Variants in SYNE1 observed in about 807,000 individuals in gnomAD.
SYNE1 encodes spectrin repeat containing nuclear envelope protein 1, also known as nesprin-1.
A neutral mutation model predicts 1,111.0 loss-of-function variants in SYNE1; 616 were observed. The ratio of observed to expected loss-of-function variants is 0.55; its 90% CI spans 0.52 to 0.59. The LOEUF is 0.59. Among genes scored for constraint, SYNE1 ranks in the 20% least tolerant of loss-of-function variants. The pLI is 0.00. For synonymous variants in SYNE1, 3,855 were observed against 3,825.8 expected, an observed-to-expected ratio of 1.01 and a Z score of -0.28; for missense variants, 10,006 against 10,417.0, an observed-to-expected ratio of 0.96 and a Z score of 1.72.
In SYNE1 at chr6:152,398,653, C is replaced by T. The variant is rs1315411960; in HGVS notation, c.7316G>A (p.Ser2439Asn). The part of the protein sequence containing the change: ...AKESSDRTGD[S>N]KVLEAKLHDL... ...ATGGAGCTTTGCTTCTAGAACTTTG[C>T]TGTCACCGGTGCGATCTGATGATTC... is the stretch of plus-strand genomic sequence containing the variant. The change falls in exon 49 of 146, where the codon AGC becomes AAC. Residue 2439 changes from serine (S) to asparagine (N), a missense_variant. Coordinates refer to ENST00000367255, the MANE Select transcript of SYNE1 (RefSeq NM_182961.4). 6.2e-7 allele frequency: 1 copy of T among 1,613,858 alleles called. No homozygotes were observed. The highest frequency in any genetic ancestry group is 8.5e-7 in the Non-Finnish European group (1 of 1,179,904).
chr6:152,506,632 C>T (rs948908877), intron 8 of SYNE1, among the ~76,000 whole-genome samples: 13 of 151,990 alleles, frequency 8.6e-5, no homozygotes, highest in Non-Finnish European at 1.6e-4. Flanking sequence ...ACCTCCACCC[C>T]CCAGGCTCAA....
chr6:152,144,225 T>C (rs747989012), intron 137 of SYNE1: 7 of 256,066 alleles, frequency 2.7e-5, no homozygotes, highest in Non-Finnish European at 5.4e-5. Context: ...CAGGGGAAGA[T>C]AGTGTCACGG....
chr6:152,213,540 C>T, intron 123 of SYNE1, 72 bp downstream of exon 123: 2 of 1,534,856 alleles, frequency 1.3e-6, no homozygotes, highest in Non-Finnish European at 1.8e-6. Flanking sequence ...AATTCTCCCA[C>T]ACAGCATTTC....
intron 4 of SYNE1, among the ~76,000 whole-genome samples, chr6:152,538,559 C>A (rs1392486989): frequency 1.3e-5 from 2 of 148,720 alleles, no homozygotes; most frequent in Non-Finnish European, 3.0e-5. Context: ...CTAAAAGTTT[C>A]ATTATTAATA....
At chr6:152,531,467 T>A (rs1265203670) in intron 4 of SYNE1, among the ~76,000 whole-genome samples, 2 of 152,224 alleles carry the variant, frequency 1.3e-5, no homozygotes, top group Admixed American at 6.5e-5. Context: ...ATGTCCCTTT[T>A]GAATGTAGTT....
chr6:152,254,904 T>A lies in SYNE1; in HGVS notation c.19446A>T (p.Arg6482Ser), dbSNP rs572126608. The A allele has an allele frequency of 1.2e-6, 2 of 1,613,878 alleles. No individual in the cohort carries two copies. Among genetic ancestry groups the A allele is most frequent in the Admixed American group, 1.7e-5 (1 of 60,022 alleles). The change falls in exon 104 of 146, where the codon AGA (arginine) becomes AGT (serine). Residue 6482 changes from arginine (R) to serine (S), a missense_variant. Arg to Ser is a moderately radical substitution (Grantham distance 110). Transcript: ENST00000367255. ...CCTGGAAATTTAGTATTTGCTGAAG[T>A]CTTTCTTTCATCTGATGACATCGTT... ...VNQRCHQMKERLQQILNFQND... is the reference protein window; with the variant it reads ...VNQRCHQMKESLQQILNFQND...
chr6:152,506,267 A>G (rs2099057857), intron 8 of SYNE1, among the ~76,000 whole-genome samples: 1 of 152,170 alleles, frequency 6.6e-6, no homozygotes, highest in South Asian at 2.1e-4. Flanking sequence ...ACAGAGTTGT[A>G]AAGATGATTT....
At position 152,219,397 on chromosome 6, in the gene SYNE1, T is replaced by C. The variant is rs973945097; in HGVS notation, c.21862-212A>G. On this transcript the variant is annotated intron_variant, in intron 119 of 145. Transcript: ENST00000367255. ...ATTTTAAACATACATTATACACATA[T>C]AACCTATGGCTATATATAATTACTC... Among the ~76,000 whole-genome samples the C allele has an allele frequency of 2.6e-5, 4 of 151,680 alleles. 1 individual carries two copies. Among genetic ancestry groups the C allele is most frequent in the African/African-American group, 9.7e-5 (4 of 41,272 alleles).
rs753335678 is a variant in SYNE1 at position 152,302,021 on chromosome 6, A to G, written c.17389T>C (p.Ser5797Pro). ...AGCATCTTGCACTTGGAATTCAAAG[A>G]AGCGATCTGCTCCTGGTAGCCCTTA... The part of the protein sequence containing the change: ...KIKGYQEQIA[S>P]LNSKCKMLTM... The change falls in exon 92 of 146, where the codon TCT (serine) becomes CCT (proline). Residue 5797 changes from serine (S) to proline (P), a missense_variant. This residue lies in a region of SYNE1 where 4,955 missense variants were observed against 5,017.2 expected (regional missense o/e 0.99). Transcript: ENST00000367255. The G allele has an allele frequency of 6.2e-6, 10 of 1,614,246 alleles. No homozygotes were observed. Among genetic ancestry groups the G allele is most frequent in the South Asian group, 3.3e-5 (3 of 91,084 alleles).
At chr6:152,346,148 C>A (rs1430567574) in intron 73 of SYNE1, among the ~76,000 whole-genome samples, 2 of 152,102 alleles carry the variant, frequency 1.3e-5, no homozygotes, top group African/African-American at 4.8e-5. Context: ...ATTCCTTTTA[C>A]CAACAAACAA....
chr6:152,155,274 G>C (rs2061181314), intron 132 of SYNE1: 1 of 515,532 alleles, frequency 1.9e-6, no homozygotes, highest in South Asian at 2.1e-5. Context: ...TCTGGATTTT[G>C]AATTAGTCAA....
chr6:152,135,893 C>A (rs6934016), intron 141 of SYNE1, among the ~76,000 whole-genome samples: 18,308 of 152,128 alleles, frequency 0.12, 1,206 homozygotes, highest in Non-Finnish European at 0.14. Context: ...AGTCTTTCTT[C>A]TCACTCCCTG....
At chr6:152,311,659 A>G (rs2095550375) in intron 87 of SYNE1, among the ~76,000 whole-genome samples, 1 of 152,262 alleles carries the variant, frequency 6.6e-6, no homozygotes, top group Admixed American at 6.5e-5. Context: ...TCAGACAGAG[A>G]GAACAGCATA....
chr6:152,511,611 G>C, intron 6 of SYNE1: 3 of 1,610,896 alleles, frequency 1.9e-6, no homozygotes, highest in Non-Finnish European at 2.5e-6. Flanking sequence ...AAAACAAAGG[G>C]AGAAGATAAT....
chr6:152,526,030 T>G, intron 5 of SYNE1, 50 bp downstream of exon 5: 10 of 1,567,382 alleles, frequency 6.4e-6, no homozygotes, highest in Non-Finnish European at 8.8e-6. Flanking sequence ...AGTCCCCAAA[T>G]TCCAAATGGA....
chr6:152,462,510 A>G, intron 20 of SYNE1: 1 of 602,392 alleles, frequency 1.7e-6, no homozygotes, highest in Non-Finnish European at 2.9e-6. Flanking sequence ...TTGTAGAAAA[A>G]AAAAATCTCC....
intron 95 of SYNE1, among the ~76,000 whole-genome samples, chr6:152,289,405 T>C (rs907726398): frequency 2.0e-5 from 3 of 152,080 alleles, no homozygotes; most frequent in Admixed American, 6.5e-5. Flanking sequence ...AAGTTTTTGT[T>C]TGTTTGTTTG....
chr6:152,343,385 T>C (rs1377950686), intron 74 of SYNE1, among the ~76,000 whole-genome samples: 1 of 151,280 alleles, frequency 6.6e-6, no homozygotes, highest in Non-Finnish European at 1.5e-5. Context: ...TCTTGCACTC[T>C]TGAAACTGTG....
Position 152,369,513 on chromosome 6 carries a change from G to A in SYNE1, c.9609C>T (p.Leu3203=), listed in dbSNP as rs1591297339. 1.2e-6 allele frequency: 2 copies of A among 1,614,086 alleles called. No individual in the cohort carries two copies. The highest frequency in any genetic ancestry group is 2.2e-5 in the East Asian group (1 of 44,890). Residue 3203 remains leucine, a synonymous_variant, in exon 60 of 146, where the codon CTC becomes CTT. Transcript: ENST00000367255. ...CCCTCCTCTTTGCTGGCAGATCATAGAGGCGATTGCTGCTTTCATGGACCA... is the reference window on the plus strand; with the variant it reads ...CCCTCCTCTTTGCTGGCAGATCATAAAGGCGATTGCTGCTTTCATGGACCA... ...EKMVHESSNR[L]YDLPAKRREQ...
Sources: gnomAD v4.1 joint callset for allele counts (sites outside exome capture counted in the v4.1 genomes callset) on GRCh38, gnomAD v4.1.1 for gene constraint, gnomAD v4.1.1 regional missense constraint, MANE v1.5 for transcripts, NCBI Gene and HGNC (gene_info 2026-07-23, HGNC 2026-07-21) for gene names.